ATP6V1C2: variants seen among roughly 807,000 people sequenced by gnomAD.
ATP6V1C2 encodes V-type proton ATPase subunit C 2.
Under a neutral mutation model 56.8 loss-of-function variants are expected in ATP6V1C2, and 45 were observed. The observed-to-expected ratio is 0.79, with a 90% CI of 0.62 to 1.02. ATP6V1C2 has a LOEUF of 1.02. Among genes scored for constraint, ATP6V1C2 ranks in the 50% least tolerant of loss-of-function variants. ATP6V1C2 has a pLI of 0.00. For synonymous variants in ATP6V1C2, 220 were observed against 201.3 expected (o/e 1.09, Z -0.79); for missense variants, 463 against 519.7 (o/e 0.89, Z 1.06).
chr2:10,726,317 TAAGTA>T (rs1661639035), intron 2 of ATP6V1C2, among the ~76,000 whole-genome samples, 180 bp from the exon 3 acceptor site: 1 of 152,134 alleles, frequency 6.6e-6, no homozygotes, highest in Non-Finnish European at 1.5e-5. Flanking sequence ...TGGTCAAAAA[TAAGTA>T]AATAAAGACA....
Position 10,774,856 on chromosome 2 carries a change from T to G in ATP6V1C2, c.707T>G (p.Phe236Cys). Residue 236 changes from phenylalanine to cysteine, a missense_variant, in exon 9 of 14, where the codon TTC (phenylalanine) becomes TGC (cysteine). Physicochemically the swap from Phe to Cys is radical, Grantham distance 205. Coordinates refer to ENST00000272238, the MANE Select transcript of ATP6V1C2 (RefSeq NM_001039362.2). ...CTGTTTCGAAAAGTGATTGAAGATTTCAAAACCAAGGCCAAAGAAAACAAG... is the reference window on the plus strand; with the variant it reads ...CTGTTTCGAAAAGTGATTGAAGATTGCAAAACCAAGGCCAAAGAAAACAAG... ...VTLFRKVIED[F>C]KTKAKENKFT... is the part of the protein sequence containing the mutation. The G allele has an allele frequency of 6.2e-7, 1 of 1,614,222 alleles. No homozygotes were observed. The highest frequency in any genetic ancestry group is 8.5e-7 in the Non-Finnish European group (1 of 1,180,040).
rs1665581889 is a variant in ATP6V1C2, at chr2:10,784,221, A to G, written c.*958A>G. 1 of 1,562,526 alleles carries G rather than the reference A, an allele frequency of 6.4e-7. No homozygotes were observed. Among genetic ancestry groups the G allele is most frequent in the African/African-American group, 1.4e-5 (1 of 73,444 alleles). On this transcript the variant is annotated 3_prime_UTR_variant, in exon 14 of 14. Transcript: ENST00000272238. ...CTGCTGGAAAAATCCACTGGCTCCC[A>G]AGAAAAGAAAATGGTCTGAAGCCTC...
chr2:10,751,895 C>T (rs1351103136), intron 3 of ATP6V1C2, among the ~76,000 whole-genome samples: 2 of 151,978 alleles, frequency 1.3e-5, no homozygotes. Context: ...ATCGCTTTAG[C>T]CCCGGAGTTC....
chr2:10,735,422 G>A (rs11685041), intron 3 of ATP6V1C2, among the ~76,000 whole-genome samples: 40,627 of 151,896 alleles, frequency 0.27, 5,771 homozygotes, highest in South Asian at 0.47. Flanking sequence ...TGCCCACCCC[G>A]TCGGCCTCCC....
Position 10,784,211 on chromosome 2 carries a change from A to T in ATP6V1C2, c.*948A>T. 1 of 1,492,882 alleles carries T rather than the reference A, an allele frequency of 6.7e-7. No homozygotes were observed. The highest frequency in any genetic ancestry group is 9.3e-7 in the Non-Finnish European group (1 of 1,080,880). The allele number at this position is 1,492,882 out of a possible 1,614,324, so 92.5% of individuals were successfully genotyped here. ...TGTCCCTTCACTGCTGGAAAAATCCACTGGCTCCCAAGAAAAGAAAATGGT... is the reference window on the plus strand; with the variant it reads ...TGTCCCTTCACTGCTGGAAAAATCCTCTGGCTCCCAAGAAAAGAAAATGGT... On this transcript the variant is annotated 3_prime_UTR_variant, in exon 14 of 14. Coordinates refer to ENST00000272238, the MANE Select transcript of ATP6V1C2 (RefSeq NM_001039362.2).
intron 5 of ATP6V1C2, among the ~76,000 whole-genome samples, chr2:10,767,661 T>C (rs1480371997): frequency 1.3e-5 from 2 of 152,186 alleles, no homozygotes; most frequent in Non-Finnish European, 2.9e-5. Context: ...TTTTACCATG[T>C]TGGCCAGGCT....
At chr2:10,729,051 A>G (rs1299164945) in intron 3 of ATP6V1C2, among the ~76,000 whole-genome samples, 2 of 151,042 alleles carry the variant, frequency 1.3e-5, no homozygotes, top group Admixed American at 1.3e-4. Context: ...AATTGCTTGA[A>G]CCTGGCAGGC....
intron 3 of ATP6V1C2, among the ~76,000 whole-genome samples, chr2:10,741,894 CCT>C (rs1662571567): frequency 1.1e-3 from 2 of 1,830 alleles, no homozygotes; most frequent in African/African-American, 1.8e-3. Flanking sequence ...CTCCTTCCCT[CCT>C]TCCTTCCTTC....
intron 8 of ATP6V1C2, among the ~76,000 whole-genome samples, chr2:10,773,236 A>C (rs920299380): frequency 3.3e-5 from 5 of 152,204 alleles, no homozygotes; most frequent in African/African-American, 4.8e-5. Context: ...ACACAGGTGC[A>C]CAAGGAATTG....
At chr2:10,769,167 C>T (rs1395190141) in intron 6 of ATP6V1C2, among the ~76,000 whole-genome samples, 1 of 152,228 alleles carries the variant, frequency 6.6e-6, no homozygotes, top group East Asian at 1.9e-4. Context: ...AGGATGTCAG[C>T]GCACGGCCCG....
At chr2:10,777,958 T>C (rs1346025604) in intron 11 of ATP6V1C2, among the ~76,000 whole-genome samples, 1 of 144,416 alleles carries the variant, frequency 6.9e-6, no homozygotes, top group Non-Finnish European at 1.5e-5. Context: ...GGCGCCTGGC[T>C]GGAGGTGGCT....
At chr2:10,724,263 A>T (rs546249536) in intron 2 of ATP6V1C2, among the ~76,000 whole-genome samples, 10 of 152,124 alleles carry the variant, frequency 6.6e-5, no homozygotes, top group African/African-American at 2.2e-4. Context: ...CTCCGCCCAA[A>T]CAGCTGCCCC....
intron 12 of ATP6V1C2, 84 bp downstream of exon 12, chr2:10,778,753 CT>C: frequency 7.7e-7 from 1 of 1,296,956 alleles, no homozygotes; most frequent in Non-Finnish European, 1.1e-6. Flanking sequence ...CAGCTCCTGC[CT>C]TCTCTCCATC....
rs752445738 is a variant in ATP6V1C2 at position 10,764,350 on chromosome 2, G to C, written c.303G>C (p.Val101=). The C allele has an allele frequency of 1.8e-5, 29 of 1,613,746 alleles. No homozygotes were observed. In the East Asian group the frequency reaches 6.0e-4, roughly 33 times the overall value. ...LANGVDLTSF[V]THFEWDMAKY... ...TTCCAGTTGACTTAACATCCTTTGT[G>C]ACCCACTTTGAATGGGACATGGCCA... The change falls in exon 5 of 14, where the codon GTG becomes GTC. Residue 101 remains valine (V), a synonymous_variant. Transcript: ENST00000272238.
intron 3 of ATP6V1C2, among the ~76,000 whole-genome samples, chr2:10,753,716 A>T (rs1232389758): frequency 6.6e-6 from 1 of 151,944 alleles, no homozygotes; most frequent in Non-Finnish European, 1.5e-5. Context: ...TTTTTAGTAG[A>T]GACGGGGTTT....
chr2:10,726,053 C>A (rs977196994), intron 2 of ATP6V1C2, among the ~76,000 whole-genome samples: 1 of 152,060 alleles, frequency 6.6e-6, no homozygotes, highest in Non-Finnish European at 1.5e-5. Flanking sequence ...TCACTCCAGC[C>A]TGGGCAACAA....
upstream of ATP6V1C2, among the ~76,000 whole-genome samples, chr2:10,721,440 C>G (rs1402690405): frequency 6.6e-6 from 1 of 152,094 alleles, no homozygotes; most frequent in Non-Finnish European, 1.5e-5. Flanking sequence ...CCCCGGCCCT[C>G]GCGCGTAGGG....
chr2:10,737,891 G>C (rs1403894318), intron 3 of ATP6V1C2, among the ~76,000 whole-genome samples: 1 of 152,046 alleles, frequency 6.6e-6, no homozygotes, highest in Non-Finnish European at 1.5e-5. Context: ...ATGGGGTTTT[G>C]CCACATTGGC....
At chr2:10,738,911 C>T (rs929617253) in intron 3 of ATP6V1C2, among the ~76,000 whole-genome samples, 8 of 152,176 alleles carry the variant, frequency 5.3e-5, no homozygotes, top group Admixed American at 4.6e-4. Context: ...AAATCTGTCC[C>T]GTATCCACCC....
Sources: allele counts gnomAD v4.1 joint callset (sites outside exome capture counted in the v4.1 genomes callset), GRCh38; gene constraint gnomAD v4.1.1; transcripts MANE v1.5; gene names NCBI Gene and HGNC (gene_info 2026-07-23, HGNC 2026-07-21).